RADIL: variants seen among roughly 807,000 people sequenced by gnomAD.
RADIL encodes the protein Rap associating with DIL domain, also known as ras-associating and dilute domain-containing protein.
RADIL carries 99 observed loss-of-function variants against 97.6 expected under a neutral mutation model. The ratio of observed to expected loss-of-function variants is 1.01; its 90% CI spans 0.86 to 1.20. The LOEUF (loss-of-function observed/expected upper bound fraction) is 1.20, where lower values mean the gene tolerates loss of function less well. RADIL is among the 50% of genes most tolerant of loss of function. The pLI is 0.00. For synonymous variants in RADIL, 803 were observed against 691.8 expected (o/e 1.16, Z -2.52); for missense variants, 1,765 against 1,498.9 (o/e 1.18, Z -2.93).
At chr7:4,801,047 T>C (rs1782066658) in intron 12 of RADIL, among the ~76,000 whole-genome samples, 1 of 152,308 alleles carries the variant, frequency 6.6e-6, no homozygotes, top group Middle Eastern at 3.4e-3. Context: ...CTCACAGCCA[T>C]GCACACATGT....
At chr7:4,825,624 C>A (rs187337584) in intron 5 of RADIL, among the ~76,000 whole-genome samples, 1 of 152,084 alleles carries the variant, frequency 6.6e-6, no homozygotes, top group Non-Finnish European at 1.5e-5. Context: ...CGCCTGTAAT[C>A]CCAGCACTTT....
At chr7:4,806,912 T>C (rs1415069758) in intron 9 of RADIL, among the ~76,000 whole-genome samples, 1 of 152,176 alleles carries the variant, frequency 6.6e-6, no homozygotes, top group Non-Finnish European at 1.5e-5. Flanking sequence ...TTGTACTGAT[T>C]CTTGTCTGGA....
chr7:4,831,191 C>G (rs1392920429), intron 5 of RADIL, among the ~76,000 whole-genome samples: 1 of 123,872 alleles, frequency 8.1e-6, no homozygotes, highest in Admixed American at 8.6e-5. Context: ...AACCCCATCT[C>G]AAAAAAAGAA....
chr7:4,802,041 G>A (rs781525315), intron 11 of RADIL, 46 bp from the exon 12 acceptor site: 2 of 1,424,282 alleles, frequency 1.4e-6, no homozygotes, highest in East Asian at 4.9e-5. Context: ...GTGGCCAGGT[G>A]GACACAGCAC....
intron 5 of RADIL, among the ~76,000 whole-genome samples, chr7:4,826,329 G>C (rs960191206): frequency 3.9e-5 from 6 of 152,138 alleles, no homozygotes; most frequent in African/African-American, 1.4e-4. Flanking sequence ...CCGGAAGTGA[G>C]GATGGGGGTC....
Position 4,873,437 on chromosome 7 carries a change from C to G in RADIL, c.535+4168G>C, listed in dbSNP as rs1016515216. On this transcript the variant is annotated intron_variant, in intron 2 of 14. Transcript: ENST00000399583. This position sits in a 1 kb window ranked among gnomAD's most constrained non-coding sequence, Gnocchi z 4.3. ...CAGGCCAGGGGTCCCTTCCCTTTCT[C>G]GCCACTTTTTCCAGGTGAGATCGAA... Among the ~76,000 whole-genome samples, 3 of 152,196 alleles carry G rather than the reference C, an allele frequency of 2.0e-5. No individual in the cohort carries two copies. The highest frequency in any genetic ancestry group is 4.4e-5 in the Non-Finnish European group (3 of 68,044).
rs1782641861 is a variant in RADIL at position 4,815,038 on chromosome 7, G to A, written c.2139+240C>T. 1.3e-5 allele frequency among the ~76,000 whole-genome samples: 2 copies of A among 152,174 alleles called. No homozygotes were observed. The highest frequency in any genetic ancestry group is 2.4e-5 in the African/African-American group (1 of 41,434). On this transcript the variant is annotated intron_variant, in intron 9 of 14. Coordinates refer to ENST00000399583, the MANE Select transcript of RADIL (RefSeq NM_018059.5). The surrounding 1 kb of genome is among the most constrained non-coding windows in gnomAD (Gnocchi z 8.0). ...GTACAGAGGCTTCTTTGCCATGTGGGGTAATACGGTCACAGGGTAAGACGG... is the reference window on the plus strand; with the variant it reads ...GTACAGAGGCTTCTTTGCCATGTGGAGTAATACGGTCACAGGGTAAGACGG...
chr7:4,805,259 C>T (rs1199639851), intron 10 of RADIL: 2 of 376,254 alleles, frequency 5.3e-6, no homozygotes, highest in Non-Finnish European at 9.7e-6. Flanking sequence ...GGTAGCCATA[C>T]AACAGGGGAG....
Position 4,819,758 on chromosome 7 carries a change from G to A in RADIL, c.1616-2407C>T, listed in dbSNP as rs1041680209. On this transcript the variant is annotated intron_variant, in intron 6 of 14. Coordinates refer to ENST00000399583, the MANE Select transcript of RADIL (RefSeq NM_018059.5). The surrounding 1 kb of genome is among the most constrained non-coding windows in gnomAD (Gnocchi z 5.8). The stretch of plus-strand genomic sequence containing the variant: ...AGGCTGACGGGGCTCTGCCCCTCCG[G>A]CCCCTTCTAGGGGCTATTTCCCACT... Among the ~76,000 whole-genome samples, 1 of 152,188 alleles carries A rather than the reference G, an allele frequency of 6.6e-6. No homozygotes were observed. Among genetic ancestry groups the A allele is most frequent in the African/African-American group, 2.4e-5 (1 of 41,442 alleles).
chr7:4,856,622 T>C (rs529821604), intron 2 of RADIL, among the ~76,000 whole-genome samples: 12 of 152,374 alleles, frequency 7.9e-5, no homozygotes, highest in African/African-American at 2.6e-4. Context: ...GTCTTCTTTA[T>C]GCTGTTACTT....
intron 2 of RADIL, among the ~76,000 whole-genome samples, chr7:4,870,066 G>A (rs924343461): frequency 6.6e-6 from 1 of 152,226 alleles, no homozygotes; most frequent in Non-Finnish European, 1.5e-5. Flanking sequence ...CTTGGGCCCA[G>A]GAGATCGAGG....
intron 2 of RADIL, among the ~76,000 whole-genome samples, chr7:4,868,865 GC>G (rs1784190222): frequency 6.6e-6 from 1 of 152,144 alleles, no homozygotes; most frequent in Admixed American, 6.5e-5. Context: ...AGTGGCTTAT[GC>G]CTGTAATCCC....
chr7:4,827,579 T>A (rs1304988161), intron 5 of RADIL, among the ~76,000 whole-genome samples: 1 of 152,096 alleles, frequency 6.6e-6, no homozygotes, highest in Non-Finnish European at 1.5e-5. Context: ...GAGAATGGCG[T>A]GAACCCAGGA....
chr7:4,800,327 A>G lies in RADIL; in HGVS notation c.2843-17T>C. Reference sequence around the variant, plus strand: ...CAGAGTCTCCTGGGTGGGGGCCAGGAAAGGTGGGTGGGAGTGAGGCGCCAG... The same window carrying G: ...CAGAGTCTCCTGGGTGGGGGCCAGGGAAGGTGGGTGGGAGTGAGGCGCCAG... On this transcript the variant is annotated splice_polypyrimidine_tract_variant and intron_variant, in intron 12 of 14. Transcript: ENST00000399583. 1 of 1,432,784 alleles carries G rather than the reference A, an allele frequency of 7.0e-7. No homozygotes were observed. Among genetic ancestry groups the G allele is most frequent in the Non-Finnish European group, 9.2e-7 (1 of 1,092,708 alleles). The allele number at this position is 1,432,784 out of a possible 1,614,324, so 88.8% of individuals were successfully genotyped here. A position where few individuals can be genotyped will look rare whatever the true frequency, so the allele number is the denominator to read the frequency against.
rs1218077977 is a variant in RADIL, at chr7:4,837,468, G to A, written c.536-863C>T. Among the ~76,000 whole-genome samples the A allele has an allele frequency of 6.6e-6, 1 of 152,194 alleles. No individual in the cohort carries two copies. Among genetic ancestry groups the A allele is most frequent in the Non-Finnish European group, 1.5e-5 (1 of 68,026 alleles). On this transcript the variant is annotated intron_variant, in intron 2 of 14. Transcript: ENST00000399583. This position sits in a 1 kb window ranked among gnomAD's most constrained non-coding sequence, Gnocchi z 5.6. The stretch of plus-strand genomic sequence containing the variant: ...CACCCCAGCCCATGGGGCTGCCGAT[G>A]GCCTGCTCCTGCAACAGCATCGCTG...
At chr7:4,809,721 C>A in intron 9 of RADIL, 1 of 828,060 alleles carries the variant, frequency 1.2e-6, no homozygotes, top group Non-Finnish European at 1.5e-6. Context: ...TTCGCTCTGT[C>A]GCCCAGGCCG....
chr7:4,861,871 C>CACCGCGACCTTCA, intron 2 of RADIL: 1 of 1,215,118 alleles, frequency 8.2e-7, no homozygotes, highest in South Asian at 1.9e-5. Flanking sequence ...CGGCCGCCGC[C>CACCGCGACCTTCA]CGGGTCATGA....
At chr7:4,855,755 C>T (rs948684577) in intron 2 of RADIL, among the ~76,000 whole-genome samples, 1 of 150,224 alleles carries the variant, frequency 6.7e-6, no homozygotes, top group East Asian at 2.0e-4. Context: ...AGTGCTTATG[C>T]GCTTCTTTGG....
chr7:4,834,565 A>G lies in RADIL; in HGVS notation c.1416+42T>C. On this transcript the variant is annotated intron_variant, in intron 4 of 14. Coordinates refer to ENST00000399583, the MANE Select transcript of RADIL (RefSeq NM_018059.5). This position sits in a 1 kb window ranked among gnomAD's most constrained non-coding sequence, Gnocchi z 6.0. ...CCAGCTCCGGGCCCCCTCTTCCCCCAGACCGGCACAGGACCCAGACCGCCC... is the reference window on the plus strand; with the variant it reads ...CCAGCTCCGGGCCCCCTCTTCCCCCGGACCGGCACAGGACCCAGACCGCCC... The G allele has an allele frequency of 7.7e-7, 1 of 1,304,304 alleles. No homozygotes were observed. Among genetic ancestry groups the G allele is most frequent in the South Asian group, 3.2e-5 (1 of 31,222 alleles). The allele number at this position is 1,304,304 out of a possible 1,614,324, so 80.8% of individuals were successfully genotyped here.
Sources: allele counts gnomAD v4.1 joint callset (sites outside exome capture counted in the v4.1 genomes callset), GRCh38; gene constraint gnomAD v4.1.1; non-coding constraint Gnocchi (gnomAD v3.1); transcripts MANE v1.5; gene names NCBI Gene and HGNC (gene_info 2026-07-23, HGNC 2026-07-21).